TNS1: variants seen among roughly 807,000 people sequenced by gnomAD.
TNS1 encodes the protein tensin-1.
A neutral mutation model predicts 168.6 loss-of-function variants in TNS1; 62 were observed. The observed-to-expected ratio is 0.37, with a 90% CI of 0.30 to 0.45. The LOEUF is 0.45. Among genes scored for constraint, TNS1 ranks in the 20% least tolerant of loss-of-function variants. TNS1 has a pLI of 1.00. For synonymous variants in TNS1, 934 were observed against 933.2 expected (o/e 1.00, Z -0.02); for missense variants, 2,240 against 2,339.4 (o/e 0.96, Z 0.88).
At chr2:217,861,059 G>C (rs765537012) in intron 18 of TNS1, among the ~76,000 whole-genome samples, 1 of 152,196 alleles carries the variant, frequency 6.6e-6, no homozygotes, top group African/African-American at 2.4e-5. Flanking sequence ...AATAATAAGA[G>C]AGTCAGGTTT....
At chr2:217,947,399 A>T (rs1957137698) in intron 3 of TNS1, among the ~76,000 whole-genome samples, 2 of 152,244 alleles carry the variant, frequency 1.3e-5, no homozygotes, top group South Asian at 4.2e-4. Context: ...GGCATCGAGC[A>T]GGCGCCCAGT....
At position 217,800,879 on chromosome 2, in the gene TNS1, C is replaced by T. The variant is rs1937387776; in HGVS notation, c.*3580G>A. 1 of 152,240 alleles carries T rather than the reference C, an allele frequency of 6.6e-6. No individual in the cohort carries two copies. The highest frequency in any genetic ancestry group is 1.9e-4 in the East Asian group (1 of 5,186). The allele number at this position is 152,240 out of a possible 1,614,324, so 9.4% of individuals were successfully genotyped here. On this transcript the variant is annotated 3_prime_UTR_variant, in exon 33 of 33. Transcript: ENST00000682258. ...CTGTGCCCCCTGGACAGCATGCTCC[C>T]CTGGAGCCCCTGCACAGGCTCATCA...
intron 1 of TNS1, among the ~76,000 whole-genome samples, chr2:218,028,224 C>A (rs970492195): frequency 1.3e-5 from 2 of 152,182 alleles, no homozygotes; most frequent in Non-Finnish European, 2.9e-5. Flanking sequence ...CATGAGCTGG[C>A]CCCCACTGGC....
intron 18 of TNS1, among the ~76,000 whole-genome samples, chr2:217,861,714 T>C (rs1948798251): frequency 6.6e-6 from 1 of 152,208 alleles, no homozygotes; most frequent in Non-Finnish European, 1.5e-5. Flanking sequence ...AGTCATTGTA[T>C]CTCAGTAAGT....
chr2:217,923,134 G>A (rs1955821753), intron 3 of TNS1, among the ~76,000 whole-genome samples: 1 of 152,160 alleles, frequency 6.6e-6, no homozygotes, highest in Non-Finnish European at 1.5e-5. Flanking sequence ...TCCCTCTGCA[G>A]GGGGCAGACT....
chr2:217,857,351 C>T (rs996382800), intron 18 of TNS1, among the ~76,000 whole-genome samples: 4 of 152,102 alleles, frequency 2.6e-5, no homozygotes, highest in East Asian at 1.9e-4. Context: ...CAAGGTCACC[C>T]GGCAAGGAAG....
intron 32 of TNS1, among the ~76,000 whole-genome samples, chr2:217,804,886 T>C (rs1294428022): frequency 6.6e-6 from 1 of 152,026 alleles, no homozygotes; most frequent in African/African-American, 2.4e-5. Flanking sequence ...CAAGGCTGGA[T>C]AGTGAGGGGT....
chr2:217,984,564 T>G (rs1449718991), intron 2 of TNS1, among the ~76,000 whole-genome samples: 3 of 152,090 alleles, frequency 2.0e-5, no homozygotes, highest in Admixed American at 6.6e-5. Context: ...CATAGCTCAC[T>G]GCAGCCTCGA....
chr2:217,975,477 G>A (rs373888284), intron 3 of TNS1, among the ~76,000 whole-genome samples: 7 of 152,132 alleles, frequency 4.6e-5, no homozygotes, highest in Non-Finnish European at 8.8e-5. Flanking sequence ...TGAGGGTGGC[G>A]TGTGAAGGCA....
At chr2:217,915,148 G>A (rs914974635) in intron 4 of TNS1, among the ~76,000 whole-genome samples, 9 of 152,146 alleles carry the variant, frequency 5.9e-5, no homozygotes, top group South Asian at 2.1e-4. Context: ...GAAATGCATC[G>A]GGTCGGAGTT....
chr2:218,018,720 A>T (rs1958782780), intron 1 of TNS1, among the ~76,000 whole-genome samples: 1 of 152,196 alleles, frequency 6.6e-6, no homozygotes, highest in Non-Finnish European at 1.5e-5. Flanking sequence ...TGGGACTTGG[A>T]TAGAAAGGGG....
intron 3 of TNS1, among the ~76,000 whole-genome samples, chr2:217,966,810 C>T (rs996525628): frequency 1.3e-5 from 2 of 152,148 alleles, no homozygotes; most frequent in Admixed American, 6.5e-5. Flanking sequence ...ACGAAAGGTC[C>T]CTTGCTGTAC....
At chr2:217,883,193 C>T (rs937756639) in intron 16 of TNS1, among the ~76,000 whole-genome samples, 1 of 152,158 alleles carries the variant, frequency 6.6e-6, no homozygotes, top group Non-Finnish European at 1.5e-5. Flanking sequence ...CTTCTTAAAT[C>T]TGATTAGATT....
chr2:218,001,583 G>T (rs1369568541), intron 1 of TNS1, among the ~76,000 whole-genome samples: 1 of 151,946 alleles, frequency 6.6e-6, no homozygotes, highest in Non-Finnish European at 1.5e-5. Context: ...CCTGGCCAAG[G>T]CTCCCATTTC....
chr2:217,957,667 T>A (rs1422211289), intron 3 of TNS1, among the ~76,000 whole-genome samples: 1 of 152,022 alleles, frequency 6.6e-6, no homozygotes, highest in African/African-American at 2.4e-5. Context: ...TAGAGAAAAT[T>A]GAACACAGAT....
At chr2:217,910,246 C>T (rs1256602686) in intron 4 of TNS1, among the ~76,000 whole-genome samples, 2 of 152,140 alleles carry the variant, frequency 1.3e-5, no homozygotes. Context: ...CAGCTGGAGG[C>T]CGGCCACAGG....
intron 22 of TNS1, among the ~76,000 whole-genome samples, chr2:217,826,034 AG>A (rs1943568992): frequency 6.6e-6 from 1 of 152,096 alleles, no homozygotes; most frequent in Admixed American, 6.5e-5. Flanking sequence ...ACTCAGACCC[AG>A]CCCCACCTGG....
intron 18 of TNS1, among the ~76,000 whole-genome samples, chr2:217,856,683 T>C (rs1363898137): frequency 6.6e-6 from 1 of 152,114 alleles, no homozygotes; most frequent in Non-Finnish European, 1.5e-5. Context: ...AAAAAGATTT[T>C]TTGGTAAAAA....
At chr2:217,836,848 A>G (rs1284350013) in intron 19 of TNS1, among the ~76,000 whole-genome samples, 2 of 152,100 alleles carry the variant, frequency 1.3e-5, no homozygotes, top group Non-Finnish European at 1.5e-5. Context: ...CCCTGCCCCA[A>G]AGATAGCGGC....
Sources: gnomAD v4.1 joint callset for allele counts (sites outside exome capture counted in the v4.1 genomes callset) on GRCh38, gnomAD v4.1.1 for gene constraint, MANE v1.5 for transcripts, NCBI Gene and HGNC (gene_info 2026-07-23, HGNC 2026-07-21) for gene names.